The following TENM4 variants were observed in gnomAD, a reference collection of about 807,000 sequenced individuals.
The protein encoded by TENM4 is teneurin transmembrane protein 4, also known as teneurin-4.
In TENM4, 82 loss-of-function variants were observed where a neutral mutation model predicts 243.3. That is an observed-to-expected ratio of 0.34 (90% CI 0.28 to 0.40). The LOEUF (loss-of-function observed/expected upper bound fraction) is 0.40. TENM4 is among the 10% of genes least tolerant of loss of function. The probability of loss-of-function intolerance (pLI) is 1.00; values close to 1 mark genes in which losing one functional copy is unlikely to be tolerated. For missense variants in TENM4, 3,138 were observed against 3,673.3 expected, an observed-to-expected ratio of 0.85 and a Z score of 3.77; for synonymous variants, 1,412 against 1,456.3, an observed-to-expected ratio of 0.97 and a Z score of 0.69.
intron 3 of TENM4, among the ~76,000 whole-genome samples, chr11:79,186,504 A>T (rs1863382864): frequency 6.6e-6 from 1 of 152,250 alleles, no homozygotes; most frequent in African/African-American, 2.4e-5. Flanking sequence ...GGTAAATGAC[A>T]TGCAAAACAA....
intron 2 of TENM4, among the ~76,000 whole-genome samples, chr11:79,219,792 G>T (rs1227143298): frequency 6.6e-6 from 1 of 152,156 alleles, no homozygotes; most frequent in Admixed American, 6.5e-5. Context: ...CATTTCCTGG[G>T]CTGCCTTTCA....
At chr11:79,428,738 G>C (rs1859106592) in intron 1 of TENM4, among the ~76,000 whole-genome samples, 1 of 152,206 alleles carries the variant, frequency 6.6e-6, no homozygotes, top group African/African-American at 2.4e-5. Context: ...ACGAGGGCAG[G>C]GGTGGGAAAG....
intron 2 of TENM4, among the ~76,000 whole-genome samples, chr11:79,232,716 G>A (rs980620026): frequency 2.6e-5 from 4 of 152,222 alleles, no homozygotes; most frequent in Admixed American, 6.5e-5. Flanking sequence ...GGGTGATTCC[G>A]AACTCTTGTG....
intron 12 of TENM4, among the ~76,000 whole-genome samples, chr11:78,843,620 T>C (rs1426324563): frequency 6.6e-6 from 1 of 152,176 alleles, no homozygotes; most frequent in Non-Finnish European, 1.5e-5. Flanking sequence ...TTTGTAAAGA[T>C]TGAAAAGCCC....
intron 18 of TENM4, among the ~76,000 whole-genome samples, chr11:78,769,821 G>T (rs1227796096): frequency 1.3e-5 from 2 of 152,234 alleles, no homozygotes; most frequent in African/African-American, 4.8e-5. Flanking sequence ...AAAGAACAGT[G>T]CTCCGAAACA....
chr11:79,355,426 G>A (rs547639839), intron 1 of TENM4, among the ~76,000 whole-genome samples: 16 of 152,166 alleles, frequency 1.1e-4, no homozygotes, highest in South Asian at 4.2e-4. Flanking sequence ...CCAGCTACTC[G>A]GGAGGCTGAG....
rs370597426 is a variant in TENM4 at position 78,957,115 on chromosome 11, A to T, written c.494-53592T>A. Among the ~76,000 whole-genome samples the T allele has an allele frequency of 5.3e-5, 8 of 152,356 alleles. No homozygotes were observed. In the South Asian group the frequency reaches 1.7e-3, roughly 32 times the overall value. On this transcript the variant is annotated intron_variant, in intron 6 of 33. Coordinates refer to ENST00000278550, the MANE Select transcript of TENM4 (RefSeq NM_001098816.3). Reference sequence around the variant, plus strand: ...AGGAAGAAATCAATTTGTCTTGCCAACAGGAGTTAGGTACTTAACTTTGCT... The same window carrying T: ...AGGAAGAAATCAATTTGTCTTGCCATCAGGAGTTAGGTACTTAACTTTGCT...
intron 4 of TENM4, among the ~76,000 whole-genome samples, chr11:79,085,857 C>G (rs1002335098): frequency 9.9e-5 from 15 of 152,218 alleles, no homozygotes; most frequent in African/African-American, 3.1e-4. Flanking sequence ...TTGCTTGCCA[C>G]TTATTTCCTG....
intron 4 of TENM4, among the ~76,000 whole-genome samples, chr11:79,104,976 A>C (rs1336372096): frequency 6.6e-6 from 1 of 152,240 alleles, no homozygotes; most frequent in Admixed American, 6.5e-5. Context: ...TTAGTCATAG[A>C]CATTATTTTT....
chr11:79,400,766 A>G (rs149691509), intron 1 of TENM4, among the ~76,000 whole-genome samples: 44 of 152,338 alleles, frequency 2.9e-4, no homozygotes, highest in African/African-American at 1.0e-3. Context: ...GAAGTTTGCA[A>G]TTGTCACTTC....
intron 1 of TENM4, among the ~76,000 whole-genome samples, chr11:79,424,960 C>T (rs144745623): frequency 1.3e-5 from 2 of 152,178 alleles, no homozygotes; most frequent in East Asian, 3.9e-4. Context: ...GTCAGGGGTG[C>T]CGAAGTTGAG....
At chr11:79,361,070 C>G (rs1857580177) in intron 1 of TENM4, among the ~76,000 whole-genome samples, 2 of 152,116 alleles carry the variant, frequency 1.3e-5, no homozygotes, top group Non-Finnish European at 2.9e-5. Flanking sequence ...GGCCTTAGAA[C>G]CCAGATGTCA....
chr11:79,103,173 G>A (rs1038466477), intron 4 of TENM4, among the ~76,000 whole-genome samples: 1 of 152,094 alleles, frequency 6.6e-6, no homozygotes, highest in Non-Finnish European at 1.5e-5. Flanking sequence ...ACCTCTTCAG[G>A]AAGCTTTCTT....
rs576810275 is a variant in TENM4 at position 78,696,650 on chromosome 11, G to T, written c.5087+4876C>A. On this transcript the variant is annotated intron_variant, in intron 28 of 33. Transcript: ENST00000278550. ...TTCCCTGTGTTTAGGATGTGAAACTGGTTTGCCAGAGGGTTTTTTTCCCTC... is the reference window on the plus strand; with the variant it reads ...TTCCCTGTGTTTAGGATGTGAAACTTGTTTGCCAGAGGGTTTTTTTCCCTC... Among the ~76,000 whole-genome samples the T allele has an allele frequency of 1.6e-4, 25 of 152,286 alleles. 1 individual carries two copies. In the South Asian group the frequency reaches 5.0e-3, roughly 30 times the overall value.
intron 1 of TENM4, among the ~76,000 whole-genome samples, chr11:79,330,749 G>A (rs776561746): frequency 9.9e-5 from 15 of 152,128 alleles, no homozygotes; most frequent in Non-Finnish European, 1.8e-4. Context: ...AAGGAGGTTC[G>A]GAGCCATTAA....
intron 1 of TENM4, among the ~76,000 whole-genome samples, chr11:79,384,404 C>T (rs1858066249): frequency 6.6e-6 from 1 of 152,166 alleles, no homozygotes; most frequent in South Asian, 2.1e-4. Context: ...GTGTCCTTCC[C>T]TCCAGTCAGG....
intron 2 of TENM4, among the ~76,000 whole-genome samples, chr11:79,240,465 C>T (rs1479687154): frequency 6.6e-6 from 1 of 152,198 alleles, no homozygotes; most frequent in Non-Finnish European, 1.5e-5. Context: ...CCCACCTGGA[C>T]TATGCTGTCT....
At chr11:78,940,818 G>T (rs988982951) in intron 6 of TENM4, among the ~76,000 whole-genome samples, 1 of 152,126 alleles carries the variant, frequency 6.6e-6, no homozygotes, top group East Asian at 1.9e-4. Flanking sequence ...ACAGGTGTGG[G>T]GAGATTATCT....
At chr11:78,969,349 G>C (rs1338030128) in intron 6 of TENM4, among the ~76,000 whole-genome samples, 1 of 152,182 alleles carries the variant, frequency 6.6e-6, no homozygotes, top group Non-Finnish European at 1.5e-5. Context: ...AACAATTTCT[G>C]TTACTCACAT....
Sources: gnomAD v4.1 joint callset for allele counts (sites outside exome capture counted in the v4.1 genomes callset) on GRCh38, gnomAD v4.1.1 for gene constraint, MANE v1.5 for transcripts, NCBI Gene and HGNC (gene_info 2026-07-23, HGNC 2026-07-21) for gene names.